The following VWA5A variants were observed in gnomAD, a reference collection of about 807,000 sequenced individuals.
VWA5A encodes von Willebrand factor A domain-containing protein 5A.
VWA5A carries 77 observed loss-of-function variants against 84.6 expected under a neutral mutation model. That is an observed-to-expected ratio of 0.91 (90% CI 0.76 to 1.10). The LOEUF (loss-of-function observed/expected upper bound fraction) is 1.10. VWA5A is among the 50% of genes least tolerant of loss of function. VWA5A has a pLI of 0.00. For missense variants in VWA5A, 973 were observed against 963.0 expected (o/e 1.01, Z -0.14); for synonymous variants, 334 against 350.1 (o/e 0.95, Z 0.51).
At position 124,118,986 on chromosome 11, in the gene VWA5A, T is replaced by C; in HGVS notation, c.657T>C (p.Ala219=). ...EDKTSAQVSL[A]AGHKFDRDVE... is the part of the protein sequence containing the mutation. Reference sequence around the variant, plus strand: ...TGTCCTCCACTCAGGTTTCCCTGGCTGCTGGACACAAGTTTGATCGGGACG... The same window carrying C: ...TGTCCTCCACTCAGGTTTCCCTGGCCGCTGGACACAAGTTTGATCGGGACG... Residue 219 remains alanine (A), a synonymous_variant, in exon 7 of 19, where the codon GCT becomes GCC. Transcript: ENST00000456829. The C allele has an allele frequency of 6.2e-7, 1 of 1,614,166 alleles. No individual in the cohort carries two copies. Among genetic ancestry groups the C allele is most frequent in the Non-Finnish European group, 8.5e-7 (1 of 1,180,038 alleles).
intron 7 of VWA5A, 23 bp downstream of exon 7, chr11:124,119,112 G>A (rs1253719519): frequency 6.2e-7 from 1 of 1,600,824 alleles, no homozygotes. Flanking sequence ...TTCCTTTGTA[G>A]TCATCCCCTA....
chr11:124,118,869 G>C (rs1213582512), intron 6 of VWA5A, 106 bp from the exon 7 acceptor site: 1 of 1,355,994 alleles, frequency 7.4e-7, no homozygotes, highest in Non-Finnish European at 1.0e-6. Flanking sequence ...CCTCACCTCT[G>C]TTCCTAGTCA....
intron 12 of VWA5A, 135 bp downstream of exon 12, chr11:124,135,169 G>T: frequency 1.7e-6 from 1 of 590,436 alleles, no homozygotes; most frequent in East Asian, 3.1e-5. Context: ...CAAGGCCTTA[G>T]GCTGTATACT....
At chr11:124,142,394 C>T (rs752940752) in intron 16 of VWA5A, 48 bp from the exon 17 acceptor site, 1 of 1,604,556 alleles carries the variant, frequency 6.2e-7, no homozygotes. Context: ...TGCTGAGGTG[C>T]CGATAGCTCC....
intron 7 of VWA5A, among the ~76,000 whole-genome samples, chr11:124,122,612 A>G (rs1182781240): frequency 1.3e-5 from 2 of 152,252 alleles, no homozygotes; most frequent in Non-Finnish European, 2.9e-5. Context: ...TTCTGCAGAT[A>G]AACTTGTCTG....
intron 11 of VWA5A, among the ~76,000 whole-genome samples, chr11:124,131,670 GTTAA>G (rs1865099539): frequency 6.6e-6 from 1 of 151,664 alleles, no homozygotes; most frequent in Admixed American, 6.6e-5. Context: ...ATTTAATGAT[GTTAA>G]TTAATTTAGA....
intron 18 of VWA5A, 107 bp downstream of exon 18, chr11:124,145,470 C>T (rs774806271): frequency 6.4e-5 from 88 of 1,378,704 alleles, no homozygotes; most frequent in Non-Finnish European, 8.1e-5. Flanking sequence ...TGCTTCAGAT[C>T]TTTACTAATC....
chr11:124,136,457 T>C (rs1016195486), intron 13 of VWA5A, 117 bp from the exon 14 acceptor site: 29 of 1,418,286 alleles, frequency 2.0e-5, no homozygotes, highest in Non-Finnish European at 2.7e-5. Flanking sequence ...CTAGGCTACC[T>C]GATTCTTCAT....
chr11:124,121,504 A>C (rs1864931635), intron 7 of VWA5A, among the ~76,000 whole-genome samples: 1 of 151,956 alleles, frequency 6.6e-6, no homozygotes, highest in African/African-American at 2.4e-5. Flanking sequence ...TTAGCTCATC[A>C]GCTATTGTTA....
chr11:124,126,036 A>G (rs956292756), intron 11 of VWA5A, among the ~76,000 whole-genome samples: 20 of 152,212 alleles, frequency 1.3e-4, no homozygotes, highest in Non-Finnish European at 2.2e-4. Flanking sequence ...GTCATCAATA[A>G]GCACCTGTAT....
Position 124,123,271 on chromosome 11 carries a change from G to C in VWA5A, c.931-95G>C, listed in dbSNP as rs562393791. 2.4e-5 allele frequency: 36 copies of C among 1,513,694 alleles called. No homozygotes were observed. In the African/African-American group the frequency reaches 2.5e-4, roughly 11 times the overall value. 93.8% of individuals were successfully genotyped at this position (1,513,694 alleles called of 1,614,324 possible). On this transcript the variant is annotated intron_variant, in intron 8 of 18. Transcript: ENST00000456829. ...CTTGGAATGTAAGAAGGCACAAGGTGGGGGATGGCCCACATCCTCAAGAGT... is the reference window on the plus strand; with the variant it reads ...CTTGGAATGTAAGAAGGCACAAGGTCGGGGATGGCCCACATCCTCAAGAGT...
At position 124,134,996 on chromosome 11, in the gene VWA5A, T is replaced by G. The variant is rs760273375; in HGVS notation, c.1321T>G (p.Ser441Ala). ...KGIARASGGT[S>A]EFITGKDRMQ... ...TATTGCCCGGGCATCAGGGGGCACC[T>G]CAGAATTTATCACAGGCAAAGACAG... is the stretch of plus-strand genomic sequence containing the variant. The change falls in exon 12 of 19, where the codon TCA (serine) becomes GCA (alanine). Residue 441 changes from serine (S) to alanine (A), a missense_variant. By Grantham distance (99) the Ser-to-Ala change is moderately conservative. Coordinates refer to ENST00000456829, the MANE Select transcript of VWA5A (RefSeq NM_001130142.2). The G allele has an allele frequency of 1.2e-6, 2 of 1,613,454 alleles. No homozygotes were observed. The highest frequency in any genetic ancestry group is 1.7e-6 in the Non-Finnish European group (2 of 1,179,760).
intron 7 of VWA5A, among the ~76,000 whole-genome samples, chr11:124,119,590 T>A (rs1864898149): frequency 6.6e-6 from 1 of 152,200 alleles, no homozygotes; most frequent in Non-Finnish European, 1.5e-5. Flanking sequence ...AGGAAGTAAA[T>A]CCATATATAA....
intron 15 of VWA5A, 150 bp from the exon 16 acceptor site, chr11:124,141,448 A>C (rs1860725726): frequency 2.2e-6 from 2 of 897,782 alleles, no homozygotes; most frequent in African/African-American, 1.7e-5. Context: ...GGGTTTGCGC[A>C]GGAGGTGGGC....
chr11:124,126,543 G>A (rs1023197972), intron 11 of VWA5A, among the ~76,000 whole-genome samples: 4 of 152,112 alleles, frequency 2.6e-5, no homozygotes, highest in African/African-American at 4.8e-5. Context: ...GGCAGACCAC[G>A]AGGTCAGGAG....
At chr11:124,143,102 T>TA (rs1484143216) in intron 17 of VWA5A, among the ~76,000 whole-genome samples, 1 of 152,142 alleles carries the variant, frequency 6.6e-6, no homozygotes, top group Non-Finnish European at 1.5e-5. Context: ...CCCCCAATAA[T>TA]AACCTCATTA....
intron 12 of VWA5A, among the ~76,000 whole-genome samples, chr11:124,135,825 CG>C (rs1376065145): frequency 6.6e-6 from 1 of 151,904 alleles, no homozygotes; most frequent in East Asian, 1.9e-4. Context: ...CCACCGCGCC[CG>C]GCCTCTGGTG....
rs962648192 is a variant in VWA5A at position 124,118,814 on chromosome 11, T to C, written c.645+106T>C. The C allele has an allele frequency of 2.9e-5, 41 of 1,412,336 alleles. No homozygotes were observed. In the East Asian group the frequency reaches 8.9e-4, roughly 31 times the overall value. The allele number at this position is 1,412,336 out of a possible 1,614,324, so 87.5% of individuals were successfully genotyped here. On this transcript the variant is annotated intron_variant, in intron 6 of 18. Coordinates refer to ENST00000456829, the MANE Select transcript of VWA5A (RefSeq NM_001130142.2). ...GTGGTAACCCAGAGGGGGTCCCACA[T>C]GCTCCTTGCATATCGTCATTTAATC...
chr11:124,135,787 C>A (rs1218734705), intron 12 of VWA5A, among the ~76,000 whole-genome samples: 1 of 151,876 alleles, frequency 6.6e-6, no homozygotes, highest in African/African-American at 2.4e-5. Context: ...GCCTCGGCCT[C>A]CCAAAGTGCT....
Sources: gnomAD v4.1 joint callset for allele counts (sites outside exome capture counted in the v4.1 genomes callset) on GRCh38, gnomAD v4.1.1 for gene constraint, MANE v1.5 for transcripts, NCBI Gene and HGNC (gene_info 2026-07-23, HGNC 2026-07-21) for gene names.